The following ST6GALNAC3 variants were observed in gnomAD, a reference collection of about 807,000 sequenced individuals.
ST6GALNAC3 encodes ST6 N-acetylgalactosaminide alpha-2,6-sialyltransferase 3, also known as alpha-N-acetylgalactosaminide alpha-2,6-sialyltransferase 3.
In ST6GALNAC3, 25 loss-of-function variants were observed where a neutral mutation model predicts 32.7. The ratio of observed to expected loss-of-function variants is 0.76; its 90% CI spans 0.56 to 1.07. The LOEUF is 1.07. Ranked by LOEUF, ST6GALNAC3 falls within the 50% of genes least tolerant of loss-of-function variation. The probability of loss-of-function intolerance (pLI) is 0.00; values close to 1 mark genes in which losing one functional copy is unlikely to be tolerated. For synonymous variants in ST6GALNAC3, 129 were observed against 133.1 expected, an observed-to-expected ratio of 0.97 and a Z score of 0.21; for missense variants, 355 against 382.4, an observed-to-expected ratio of 0.93 and a Z score of 0.60.
intron 3 of ST6GALNAC3, among the ~76,000 whole-genome samples, chr1:76,470,194 C>T (rs114726079): frequency 1.7e-4 from 26 of 152,022 alleles, no homozygotes; most frequent in African/African-American, 4.1e-4. Flanking sequence ...AATCTAGGTT[C>T]GGCAACAGAA....
intron 2 of ST6GALNAC3, among the ~76,000 whole-genome samples, chr1:76,383,220 G>A (rs1397611979): frequency 6.6e-6 from 1 of 151,946 alleles, no homozygotes; most frequent in South Asian, 2.1e-4. Context: ...ACAAAAGCAG[G>A]TAATTTGTAA....
At chr1:76,586,563 T>C (rs1479025419) in intron 3 of ST6GALNAC3, among the ~76,000 whole-genome samples, 1 of 152,230 alleles carries the variant, frequency 6.6e-6, no homozygotes, top group Non-Finnish European at 1.5e-5. Flanking sequence ...CTAGGATTTG[T>C]AAAGCACTGT....
chr1:76,476,081 T>G (rs1471844575), intron 3 of ST6GALNAC3, among the ~76,000 whole-genome samples: 5 of 152,228 alleles, frequency 3.3e-5, no homozygotes, highest in African/African-American at 1.2e-4. Context: ...TGCCACATTT[T>G]CCTTATCCAG....
chr1:76,556,663 T>C (rs896182418), intron 3 of ST6GALNAC3, among the ~76,000 whole-genome samples: 6 of 152,268 alleles, frequency 3.9e-5, no homozygotes, highest in South Asian at 2.1e-4. Context: ...ACTGACTATA[T>C]ATCTTCTTTG....
intron 1 of ST6GALNAC3, among the ~76,000 whole-genome samples, chr1:76,139,211 A>T (rs1337053604): frequency 0.016 from 2,454 of 152,144 alleles, 72 homozygotes; most frequent in African/African-American, 0.056. Context: ...AAAAAAAAAA[A>T]AAATCTATGC....
chr1:76,385,814 T>C (rs1358166006), intron 2 of ST6GALNAC3, among the ~76,000 whole-genome samples: 1 of 152,120 alleles, frequency 6.6e-6, no homozygotes, highest in African/African-American at 2.4e-5. Context: ...GCTTATGAAC[T>C]AGGACCTTAA....
At chr1:76,471,509 C>A (rs1446143189) in intron 3 of ST6GALNAC3, among the ~76,000 whole-genome samples, 1 of 152,068 alleles carries the variant, frequency 6.6e-6, no homozygotes, top group African/African-American at 2.4e-5. Context: ...GAGTTACCTA[C>A]CCATAGTGGG....
intron 1 of ST6GALNAC3, among the ~76,000 whole-genome samples, chr1:76,196,241 G>C (rs1348081109): frequency 6.6e-6 from 1 of 152,018 alleles, no homozygotes; most frequent in Non-Finnish European, 1.5e-5. Context: ...TGCCTTGGTG[G>C]GATTGTTAAA....
chr1:76,224,468 TAGAATC>T (rs947085078), intron 1 of ST6GALNAC3, among the ~76,000 whole-genome samples: 25 of 152,358 alleles, frequency 1.6e-4, no homozygotes, highest in African/African-American at 5.8e-4. Context: ...GAGTTAGTGC[TAGAATC>T]AACATTGCCT....
intron 1 of ST6GALNAC3, among the ~76,000 whole-genome samples, chr1:76,112,685 C>T (rs1160597629): frequency 2.6e-5 from 4 of 151,622 alleles, no homozygotes; most frequent in Non-Finnish European, 4.4e-5. Flanking sequence ...GGCAGAGGGT[C>T]TCCTCACTTC....
At chr1:76,602,711 T>G (rs1018557694) in intron 3 of ST6GALNAC3, among the ~76,000 whole-genome samples, 21 of 152,024 alleles carry the variant, frequency 1.4e-4, no homozygotes, top group African/African-American at 4.8e-4. Flanking sequence ...ATTTTATTAA[T>G]TAATAAATTA....
intron 1 of ST6GALNAC3, among the ~76,000 whole-genome samples, chr1:76,222,060 T>A (rs1249896059): frequency 6.6e-6 from 1 of 152,184 alleles, no homozygotes; most frequent in Non-Finnish European, 1.5e-5. Context: ...TATATATTTG[T>A]GTATGTATTA....
intron 3 of ST6GALNAC3, among the ~76,000 whole-genome samples, chr1:76,626,068 G>A (rs1648947890): frequency 6.6e-6 from 1 of 151,862 alleles, no homozygotes; most frequent in Non-Finnish European, 1.5e-5. Context: ...TAAGTAATTT[G>A]ACACTAAGTA....
intron 1 of ST6GALNAC3, among the ~76,000 whole-genome samples, chr1:76,221,550 C>G (rs1250959410): frequency 6.6e-6 from 1 of 152,156 alleles, no homozygotes; most frequent in Admixed American, 6.5e-5. Context: ...CCAGTGCTCC[C>G]TGAGAATGTA....
chr1:76,255,558 G>C (rs1336097074), intron 1 of ST6GALNAC3, among the ~76,000 whole-genome samples: 1 of 152,076 alleles, frequency 6.6e-6, no homozygotes, highest in East Asian at 1.9e-4. Flanking sequence ...CGTATATTTT[G>C]TTCAGTTGGT....
intron 3 of ST6GALNAC3, among the ~76,000 whole-genome samples, chr1:76,464,602 A>C (rs1464764646): frequency 6.6e-6 from 1 of 152,192 alleles, no homozygotes; most frequent in East Asian, 1.9e-4. Flanking sequence ...AAAAGAATTA[A>C]AAAGGATGAG....
At chr1:76,189,723 G>A (rs1653785459) in intron 1 of ST6GALNAC3, among the ~76,000 whole-genome samples, 1 of 113,700 alleles carries the variant, frequency 8.8e-6, no homozygotes, top group African/African-American at 2.8e-5. Context: ...GTGGAGGTAT[G>A]GAGGAGAGAA....
rs544752655 is a variant in ST6GALNAC3 at position 76,577,228 on chromosome 1, C to T, written c.624-50224C>T. ...AGCAAAACTTGTTCTTCCCATTTCT[C>T]TGTTTTGATTACAGGACTACTGAAT... On this transcript the variant is annotated intron_variant, in intron 3 of 4. Transcript: ENST00000328299. 1.5e-5 allele frequency: 15 copies of T among 1,014,980 alleles called. 1 individual carries two copies. The African/African-American group carries it at 2.4e-4, about 16-fold the overall frequency. The allele number at this position is 1,014,980 out of a possible 1,614,324, so 62.9% of individuals were successfully genotyped here.
chr1:76,568,987 A>G (rs542561942), intron 3 of ST6GALNAC3, among the ~76,000 whole-genome samples: 19 of 152,258 alleles, frequency 1.2e-4, no homozygotes, highest in African/African-American at 4.1e-4. Context: ...GCTTGTCTGT[A>G]GAAGCATCCC....
Sources: gnomAD v4.1 joint callset for allele counts (sites outside exome capture counted in the v4.1 genomes callset) on GRCh38, gnomAD v4.1.1 for gene constraint, MANE v1.5 for transcripts, NCBI Gene and HGNC (gene_info 2026-07-23, HGNC 2026-07-21) for gene names.